Variants in NUP155 observed in about 807,000 individuals in gnomAD.
NUP155 encodes nucleoporin 155.
In NUP155, 71 loss-of-function variants were observed where a neutral mutation model predicts 180.4. That is an observed-to-expected ratio of 0.39 (90% CI 0.33 to 0.48). The LOEUF is 0.48. NUP155 is among the 20% of genes least tolerant of loss of function. NUP155 has a pLI of 0.91. For missense variants in NUP155, 1,553 were observed against 1,648.9 expected, an observed-to-expected ratio of 0.94 and a Z score of 1.01; for synonymous variants, 582 against 559.5, an observed-to-expected ratio of 1.04 and a Z score of -0.57.
intron 18 of NUP155, 79 bp from the exon 19 acceptor site, chr5:37,326,046 A>G: frequency 1.0e-6 from 1 of 999,542 alleles, no homozygotes; most frequent in Non-Finnish European, 1.6e-6. Flanking sequence ...CTAGGAACTT[A>G]ATGGCTTTAT....
At chr5:37,329,104 T>C (rs1439255761) in intron 16 of NUP155, 86 bp downstream of exon 16, 7 of 915,184 alleles carry the variant, frequency 7.6e-6, no homozygotes, top group East Asian at 2.5e-5. Context: ...TAAAACATAA[T>C]GAAAAGGCTT....
intron 20 of NUP155, among the ~76,000 whole-genome samples, chr5:37,319,463 G>A (rs1744104223): frequency 6.6e-6 from 1 of 152,056 alleles, no homozygotes; most frequent in South Asian, 2.1e-4. Flanking sequence ...AAGGTAAGGG[G>A]GAAAATGATA....
chr5:37,308,621 G>C (rs1456667397), intron 24 of NUP155, among the ~76,000 whole-genome samples: 2 of 151,916 alleles, frequency 1.3e-5, no homozygotes, highest in Admixed American at 6.6e-5. Context: ...CGTGAACCTG[G>C]GAGGCAGAGC....
rs1742160805 is a variant in NUP155, at chr5:37,289,891, C to T, written c.*2009G>A. On this transcript the variant is annotated 3_prime_UTR_variant, in exon 35 of 35. Coordinates refer to ENST00000231498, the MANE Select transcript of NUP155 (RefSeq NM_153485.3). ...ATAAAACGAATTAATGTATCGCATA[C>T]ATTCACTTTACATATTCAAAAAACG... 1.3e-5 allele frequency: 2 copies of T among 152,280 alleles called. 1 individual carries two copies. Among genetic ancestry groups the T allele is most frequent in the African/African-American group, 4.8e-5 (2 of 41,556 alleles). 9.4% of individuals were successfully genotyped at this position (152,280 alleles called of 1,614,324 possible). A position where few individuals can be genotyped will look rare whatever the true frequency, so the allele number is the denominator to read the frequency against.
chr5:37,297,160 T>C (rs1313128901), intron 32 of NUP155, among the ~76,000 whole-genome samples: 1 of 152,172 alleles, frequency 6.6e-6, no homozygotes, highest in African/African-American at 2.4e-5. Flanking sequence ...TAGCTAGGAC[T>C]ATAGGCACGT....
chr5:37,357,213 C>A (rs1446318000), intron 4 of NUP155, among the ~76,000 whole-genome samples: 1 of 151,812 alleles, frequency 6.6e-6, no homozygotes, highest in Non-Finnish European at 1.5e-5. Flanking sequence ...CAAGACCAGC[C>A]TGGGCAACAT....
intron 9 of NUP155, among the ~76,000 whole-genome samples, 190 bp downstream of exon 9, chr5:37,348,315 T>A (rs1375254265): frequency 6.6e-6 from 1 of 151,524 alleles, no homozygotes; most frequent in Non-Finnish European, 1.5e-5. Flanking sequence ...AAAAAATAAA[T>A]AAATAAATAA....
At chr5:37,368,435 AT>A (rs1279490152) in intron 1 of NUP155, among the ~76,000 whole-genome samples, 1 of 151,268 alleles carries the variant, frequency 6.6e-6, no homozygotes, top group Non-Finnish European at 1.5e-5. Flanking sequence ...GTTTTGCCAT[AT>A]TGCCAAGACT....
chr5:37,355,492 A>G (rs1021194279), intron 4 of NUP155, among the ~76,000 whole-genome samples: 15 of 151,904 alleles, frequency 9.9e-5, no homozygotes, highest in Non-Finnish European at 2.2e-4. Context: ...CCTGGGTGAC[A>G]GTGAGACACT....
intron 14 of NUP155, 59 bp from the exon 15 acceptor site, chr5:37,330,191 T>C (rs1461441304): frequency 8.7e-7 from 1 of 1,148,456 alleles, no homozygotes; most frequent in Non-Finnish European, 1.3e-6. Flanking sequence ...ATGATTTGTG[T>C]ACTGCTAGAT....
At position 37,341,159 on chromosome 5, in the gene NUP155, G is replaced by T; in HGVS notation, c.1177C>A (p.Pro393Thr). ...NTLTLVHVRL[P>T]PGFSASSTVE... Reference sequence around the variant, plus strand: ...GTTGAAGATGCTGAGAATCCAGGAGGTAAGCGGACATGAACCAGCGTCAGT... The same window carrying T: ...GTTGAAGATGCTGAGAATCCAGGAGTTAAGCGGACATGAACCAGCGTCAGT... The change falls in exon 11 of 35, where the codon CCT (proline) becomes ACT (threonine). Residue 393 changes from proline to threonine, a missense_variant. Coordinates refer to ENST00000231498, the MANE Select transcript of NUP155 (RefSeq NM_153485.3). The T allele has an allele frequency of 6.2e-7, 1 of 1,613,884 alleles. No homozygotes were observed. Among genetic ancestry groups the T allele is most frequent in the East Asian group, 2.2e-5 (1 of 44,876 alleles).
At chr5:37,359,461 T>C (rs879364035) in intron 3 of NUP155, among the ~76,000 whole-genome samples, 6 of 151,972 alleles carry the variant, frequency 3.9e-5, no homozygotes, top group Admixed American at 2.6e-4. Flanking sequence ...ACTGAGGATG[T>C]AAGAGGAACA....
At chr5:37,328,126 A>G (rs1329729655) in intron 17 of NUP155, among the ~76,000 whole-genome samples, 1 of 152,250 alleles carries the variant, frequency 6.6e-6, no homozygotes, top group Non-Finnish European at 1.5e-5. Context: ...TTAGGGTTCA[A>G]TTTAATCCTG....
chr5:37,327,875 G>C (rs899569080), intron 17 of NUP155, 99 bp from the exon 18 acceptor site: 53 of 1,353,638 alleles, frequency 3.9e-5, no homozygotes, highest in Non-Finnish European at 5.1e-5. Flanking sequence ...CTTAATCTTA[G>C]AACCCATAAA....
intron 11 of NUP155, among the ~76,000 whole-genome samples, chr5:37,339,456 C>T (rs570139887): frequency 6.6e-6 from 1 of 152,116 alleles, no homozygotes; most frequent in African/African-American, 2.4e-5. Context: ...GGTGAAACCC[C>T]GTCTCTACAA....
At chr5:37,315,988 G>GA (rs1180740699) in intron 21 of NUP155, among the ~76,000 whole-genome samples, 1 of 152,138 alleles carries the variant, frequency 6.6e-6, no homozygotes, top group Non-Finnish European at 1.5e-5. Context: ...TAGCTGCTAT[G>GA]AAACAGTATG....
chr5:37,358,647 G>A (rs1746999237), intron 3 of NUP155, among the ~76,000 whole-genome samples: 1 of 152,128 alleles, frequency 6.6e-6, no homozygotes, highest in Non-Finnish European at 1.5e-5. Context: ...GTAGAGACAA[G>A]GTTTGGCCAT....
At chr5:37,318,143 A>C in intron 20 of NUP155, 58 bp from the exon 21 acceptor site, 1 of 932,224 alleles carries the variant, frequency 1.1e-6, no homozygotes. Context: ...GATATAACAC[A>C]TACAGTACAA....
intron 29 of NUP155, 112 bp downstream of exon 29, chr5:37,302,667 T>C (rs895171456): frequency 2.5e-5 from 27 of 1,067,296 alleles, no homozygotes; most frequent in Non-Finnish European, 3.4e-5. Flanking sequence ...CAAAAGCAAC[T>C]AGAATAATAA....
Sources: gnomAD v4.1 joint callset for allele counts (sites outside exome capture counted in the v4.1 genomes callset) on GRCh38, gnomAD v4.1.1 for gene constraint, MANE v1.5 for transcripts, NCBI Gene and HGNC (gene_info 2026-07-23, HGNC 2026-07-21) for gene names.